The following AMPH variants were observed in gnomAD, a reference collection of about 807,000 sequenced individuals.
AMPH encodes the protein amphiphysin.
AMPH carries 49 observed loss-of-function variants against 99.1 expected under a neutral mutation model. That is an observed-to-expected ratio of 0.49 (90% CI 0.39 to 0.63). The LOEUF is 0.63. Ranked by LOEUF, AMPH falls within the 20% of genes least tolerant of loss-of-function variation. AMPH has a pLI of 0.00. For synonymous variants in AMPH, 314 were observed against 317.3 expected (o/e 0.99, Z 0.11); for missense variants, 759 against 863.4 (o/e 0.88, Z 1.52).
At chr7:38,420,541 C>T (rs1021358013) in intron 16 of AMPH, among the ~76,000 whole-genome samples, 4 of 152,186 alleles carry the variant, frequency 2.6e-5, no homozygotes, top group African/African-American at 9.7e-5. Flanking sequence ...GCAGCAGATG[C>T]CACAATGGTT....
intron 10 of AMPH, among the ~76,000 whole-genome samples, chr7:38,462,763 A>G (rs1001386408): frequency 6.6e-6 from 1 of 152,190 alleles, no homozygotes; most frequent in African/African-American, 2.4e-5. Context: ...AAGTCCCAAA[A>G]AACTTGAATA....
At chr7:38,530,367 T>G (rs1336260569) in intron 2 of AMPH, among the ~76,000 whole-genome samples, 1 of 152,192 alleles carries the variant, frequency 6.6e-6, no homozygotes. Context: ...TGGTTCATAT[T>G]ACACAAAAGT....
chr7:38,441,822 A>ACATATCATATATC (rs1786548515), intron 11 of AMPH, among the ~76,000 whole-genome samples: 1 of 97,380 alleles, frequency 1.0e-5, no homozygotes, highest in Non-Finnish European at 2.0e-5. Context: ...TATATATCAT[A>ACATATCATATATC]TATCATATAT....
chr7:38,561,839 A>G (rs570891607), intron 1 of AMPH, among the ~76,000 whole-genome samples: 1 of 152,262 alleles, frequency 6.6e-6, no homozygotes, highest in Non-Finnish European at 1.5e-5. Flanking sequence ...AAGAGAACAC[A>G]GCAAGAAGGT....
intron 5 of AMPH, among the ~76,000 whole-genome samples, chr7:38,478,930 AG>A (rs1788188098): frequency 6.6e-6 from 1 of 152,140 alleles, no homozygotes; most frequent in Non-Finnish European, 1.5e-5. Context: ...AAACACAAAA[AG>A]GAAAAAGAAT....
At chr7:38,502,333 A>G (rs1340561706) in intron 3 of AMPH, among the ~76,000 whole-genome samples, 1 of 152,188 alleles carries the variant, frequency 6.6e-6, no homozygotes, top group Non-Finnish European at 1.5e-5. Flanking sequence ...AGCGATGCAT[A>G]GCAGACACAC....
intron 1 of AMPH, among the ~76,000 whole-genome samples, chr7:38,571,449 TA>T (rs1792025322): frequency 7.7e-6 from 1 of 129,506 alleles, no homozygotes; most frequent in Non-Finnish European, 1.6e-5. Context: ...AGAATATATT[TA>T]TATAGAATAT....
chr7:38,494,652 A>C, intron 3 of AMPH, 125 bp from the exon 4 acceptor site: 1 of 762,230 alleles, frequency 1.3e-6, no homozygotes, highest in South Asian at 1.6e-5. Context: ...AAAACTATAA[A>C]GGCACAACTG....
chr7:38,455,157 G>T (rs1225325344), intron 11 of AMPH, among the ~76,000 whole-genome samples: 4 of 151,668 alleles, frequency 2.6e-5, no homozygotes, highest in African/African-American at 9.7e-5. Flanking sequence ...TTGGTTCACC[G>T]CAACCTCCGC....
chr7:38,592,321 T>A (rs1211739195), intron 1 of AMPH, among the ~76,000 whole-genome samples: 1 of 152,180 alleles, frequency 6.6e-6, no homozygotes, highest in East Asian at 1.9e-4. Flanking sequence ...ATGGCCAGAT[T>A]TGGGGGCCTA....
intron 11 of AMPH, among the ~76,000 whole-genome samples, chr7:38,442,644 C>G (rs1786598220): frequency 6.6e-6 from 1 of 151,964 alleles, no homozygotes; most frequent in African/African-American, 2.4e-5. Flanking sequence ...AAATTGGAAA[C>G]CTGAATGGAA....
intron 1 of AMPH, among the ~76,000 whole-genome samples, chr7:38,617,768 G>T (rs945385865): frequency 4.2e-4 from 64 of 152,098 alleles, no homozygotes; most frequent in African/African-American, 1.5e-3. Context: ...AAAGTTACAG[G>T]CACCCAGAAA....
intron 17 of AMPH, among the ~76,000 whole-genome samples, chr7:38,400,200 C>A (rs770382108): frequency 5.3e-5 from 8 of 152,136 alleles, no homozygotes; most frequent in Non-Finnish European, 1.2e-4. Flanking sequence ...CTCAGTCTCC[C>A]GAGTAGCTGG....
chr7:38,412,032 T>C (rs545784551), intron 17 of AMPH, among the ~76,000 whole-genome samples: 1 of 152,278 alleles, frequency 6.6e-6, no homozygotes, highest in Admixed American at 6.5e-5. Context: ...ATCAGCTCTC[T>C]AGAATAGATA....
At chr7:38,613,919 A>G (rs192050100) in intron 1 of AMPH, among the ~76,000 whole-genome samples, 2 of 152,192 alleles carry the variant, frequency 1.3e-5, no homozygotes, top group Admixed American at 1.3e-4. Context: ...CAGAGGACCC[A>G]TGCTCCTCCA....
chr7:38,492,347 T>C (rs1028665197), intron 4 of AMPH, among the ~76,000 whole-genome samples: 5 of 152,048 alleles, frequency 3.3e-5, no homozygotes, highest in African/African-American at 1.2e-4. Context: ...GCTCAGAGAG[T>C]CACCTTGCCC....
chr7:38,499,592 C>T (rs1789057930), intron 3 of AMPH, among the ~76,000 whole-genome samples: 1 of 152,166 alleles, frequency 6.6e-6, no homozygotes, highest in African/African-American at 2.4e-5. Context: ...ATCACTTTCT[C>T]CTATGCTGCC....
chr7:38,500,220 T>C (rs1789085529), intron 3 of AMPH, among the ~76,000 whole-genome samples: 2 of 152,236 alleles, frequency 1.3e-5, no homozygotes, highest in South Asian at 4.1e-4. Flanking sequence ...ACAGGACTTC[T>C]GAGTTGACTT....
chr7:38,439,021 A>G (rs969416983), intron 11 of AMPH, among the ~76,000 whole-genome samples: 1 of 152,166 alleles, frequency 6.6e-6, no homozygotes, highest in African/African-American at 2.4e-5. Flanking sequence ...TCATGGGGGT[A>G]GTTTCCCCAA....
Sources: gnomAD v4.1 joint callset for allele counts (sites outside exome capture counted in the v4.1 genomes callset) on GRCh38, gnomAD v4.1.1 for gene constraint, MANE v1.5 for transcripts, NCBI Gene and HGNC (gene_info 2026-07-23, HGNC 2026-07-21) for gene names.